Variants in VRK1 observed in about 807,000 individuals in gnomAD.
VRK1 encodes VRK serine/threonine kinase 1.
Under a neutral mutation model 57.1 loss-of-function variants are expected in VRK1, and 33 were observed. The ratio of observed to expected loss-of-function variants is 0.58; its 90% confidence interval spans 0.44 to 0.77. The LOEUF (loss-of-function observed/expected upper bound fraction) is 0.77. Ranked by LOEUF, VRK1 falls within the 30% of genes least tolerant of loss-of-function variation. VRK1 has a pLI of 0.00. For missense variants in VRK1, 413 were observed against 477.3 expected (o/e 0.87, Z 1.25); for synonymous variants, 137 against 147.8 (o/e 0.93, Z 0.53).
chr14:96,842,241 T>C (rs1281421064), intron 3 of VRK1, among the ~76,000 whole-genome samples: 1 of 152,194 alleles, frequency 6.6e-6, no homozygotes, highest in East Asian at 1.9e-4. Context: ...TCCTGTCTTG[T>C]CTGTACCATA....
intron 1 of VRK1, among the ~76,000 whole-genome samples, chr14:96,832,417 A>G (rs906431421): frequency 2.3e-4 from 35 of 152,106 alleles, no homozygotes; most frequent in Admixed American, 7.2e-4. Context: ...ATCTTTTTTG[A>G]TTAACATTTA....
intron 11 of VRK1, among the ~76,000 whole-genome samples, chr14:96,870,500 A>G (rs1888778405): frequency 6.6e-6 from 1 of 152,176 alleles, no homozygotes; most frequent in Admixed American, 6.5e-5. Flanking sequence ...AATAGAATAC[A>G]CTGACATATT....
At chr14:96,797,708 GC>G (rs1347101487) in intron 1 of VRK1, among the ~76,000 whole-genome samples, 1 of 152,132 alleles carries the variant, frequency 6.6e-6, no homozygotes, top group Non-Finnish European at 1.5e-5. Flanking sequence ...GGCCAGGCCG[GC>G]CCCCATCTGA....
At chr14:96,856,285 A>G in intron 9 of VRK1, 35 bp downstream of exon 9, 1 of 1,606,946 alleles carries the variant, frequency 6.2e-7, no homozygotes, top group African/African-American at 1.3e-5. Flanking sequence ...TAGCAAAATC[A>G]TGATAAGCCA....
intron 1 of VRK1, among the ~76,000 whole-genome samples, chr14:96,798,482 A>G (rs1227886513): frequency 6.6e-6 from 1 of 152,226 alleles, no homozygotes; most frequent in Non-Finnish European, 1.5e-5. Context: ...TCTTGGAACA[A>G]CTTGGAAATA....
chr14:96,801,141 T>TA (rs1380283642), intron 1 of VRK1, among the ~76,000 whole-genome samples: 10 of 152,212 alleles, frequency 6.6e-5, no homozygotes, highest in African/African-American at 1.9e-4. Flanking sequence ...TGTCGGCAGA[T>TA]ATGTCTGCTC....
Position 96,855,114 on chromosome 14 carries a change from C to T in VRK1, c.577-110C>T, listed in dbSNP as rs923099705. 3 of 1,495,246 alleles carry T rather than the reference C, an allele frequency of 2.0e-6. No individual in the cohort carries two copies. In the African/African-American group the frequency reaches 4.1e-5, roughly 21 times the overall value. 92.6% of individuals were successfully genotyped at this position (1,495,246 alleles called of 1,614,324 possible). On this transcript the variant is annotated intron_variant, in intron 7 of 12. Coordinates refer to ENST00000216639, the MANE Select transcript of VRK1 (RefSeq NM_003384.3). ...AATTGTTTGGAGTGTTATGGAATGACCTTGTAGGTGAACCCACCTTCAGAT... is the reference window on the plus strand; with the variant it reads ...AATTGTTTGGAGTGTTATGGAATGATCTTGTAGGTGAACCCACCTTCAGAT...
chr14:96,802,404 G>A (rs1395262217), intron 1 of VRK1, among the ~76,000 whole-genome samples: 1 of 152,118 alleles, frequency 6.6e-6, no homozygotes, highest in East Asian at 1.9e-4. Context: ...ATAGTCTTGC[G>A]GTAGAACACC....
intron 11 of VRK1, among the ~76,000 whole-genome samples, chr14:96,874,767 T>G (rs1888960422): frequency 6.6e-6 from 1 of 152,194 alleles, no homozygotes; most frequent in Non-Finnish European, 1.5e-5. Context: ...TCTGACCGTT[T>G]GGAGGTTTTA....
At chr14:96,857,192 A>G (rs1489339753) in intron 10 of VRK1, among the ~76,000 whole-genome samples, 4 of 152,170 alleles carry the variant, frequency 2.6e-5, no homozygotes, top group Non-Finnish European at 1.5e-5. Flanking sequence ...CAGTAAACAC[A>G]TGAGCAAAAT....
chr14:96,860,008 G>T (rs558085405), intron 10 of VRK1, among the ~76,000 whole-genome samples: 1 of 152,152 alleles, frequency 6.6e-6, no homozygotes, highest in Admixed American at 6.5e-5. Context: ...TTATGGTGTG[G>T]TTCTGTCTAA....
chr14:96,867,679 G>A, intron 11 of VRK1, among the ~76,000 whole-genome samples: 1 of 151,996 alleles, frequency 6.6e-6, no homozygotes, highest in African/African-American at 2.4e-5. Flanking sequence ...GGGAACTCTG[G>A]AAGCTAGCTT....
intron 1 of VRK1, among the ~76,000 whole-genome samples, chr14:96,826,917 A>AC (rs1242839149): frequency 1.3e-5 from 2 of 152,202 alleles, no homozygotes; most frequent in African/African-American, 4.8e-5. Context: ...GTAGCCCTGA[A>AC]CTAGAAAATA....
At chr14:96,878,704 G>A (rs1457935781) in intron 12 of VRK1, among the ~76,000 whole-genome samples, 2 of 152,050 alleles carry the variant, frequency 1.3e-5, no homozygotes, top group East Asian at 3.9e-4. Flanking sequence ...GGAGGTGATG[G>A]GATGGTTTTC....
intron 12 of VRK1, among the ~76,000 whole-genome samples, chr14:96,880,941 A>C (rs1251048388): frequency 1.3e-5 from 2 of 152,220 alleles, no homozygotes; most frequent in Non-Finnish European, 1.5e-5. Flanking sequence ...ATATGGCTTA[A>C]GAGAAGGTAG....
intron 11 of VRK1, among the ~76,000 whole-genome samples, chr14:96,864,614 T>A (rs534387109): frequency 3.9e-5 from 6 of 152,102 alleles, no homozygotes; most frequent in African/African-American, 7.2e-5. Flanking sequence ...TCAGATTGGG[T>A]CTGTACGTAC....
At chr14:96,844,805 G>A (rs1397693879) in intron 3 of VRK1, among the ~76,000 whole-genome samples, 1 of 152,190 alleles carries the variant, frequency 6.6e-6, no homozygotes, top group Non-Finnish European at 1.5e-5. Flanking sequence ...GCCTCCCAAA[G>A]TGCTGGGATG....
intron 3 of VRK1, among the ~76,000 whole-genome samples, chr14:96,838,800 G>A (rs767884136): frequency 1.9e-4 from 29 of 152,034 alleles, no homozygotes; most frequent in Admixed American, 1.3e-4. Context: ...ATTTTGTTTC[G>A]TTTTACTCTC....
intron 1 of VRK1, among the ~76,000 whole-genome samples, chr14:96,830,617 G>A (rs1317659875): frequency 6.6e-6 from 1 of 152,058 alleles, no homozygotes; most frequent in Non-Finnish European, 1.5e-5. Flanking sequence ...TGGGAGGCAT[G>A]TTTTCTTATG....
Sources: gnomAD v4.1 joint callset for allele counts (sites outside exome capture counted in the v4.1 genomes callset) on GRCh38, gnomAD v4.1.1 for gene constraint, MANE v1.5 for transcripts, NCBI Gene and HGNC (gene_info 2026-07-23, HGNC 2026-07-21) for gene names.